TP63: variants seen among roughly 807,000 people sequenced by gnomAD.
TP63 encodes the protein tumor protein 63.
Under a neutral mutation model 82.8 loss-of-function variants are expected in TP63, and 17 were observed. The observed-to-expected ratio is 0.21, with a 90% CI of 0.14 to 0.31. TP63 has a LOEUF of 0.31. Among genes scored for constraint, TP63 ranks in the 10% least tolerant of loss-of-function variants. The pLI, the probability that TP63 is intolerant of heterozygous loss-of-function variation, is 1.00. For synonymous variants in TP63, 330 were observed against 321.7 expected, an observed-to-expected ratio of 1.03 and a Z score of -0.28; for missense variants, 648 against 895.3, an observed-to-expected ratio of 0.72 and a Z score of 3.52.
intron 4 of TP63, among the ~76,000 whole-genome samples, chr3:189,828,202 C>T (rs1162385118): frequency 6.6e-6 from 1 of 151,030 alleles, no homozygotes; most frequent in African/African-American, 2.4e-5. Context: ...GATCGTGCCG[C>T]TGTGCTCCAG....
At chr3:189,714,980 T>C (rs1718855025) in intron 1 of TP63, among the ~76,000 whole-genome samples, 1 of 152,212 alleles carries the variant, frequency 6.6e-6, no homozygotes, top group African/African-American at 2.4e-5. Flanking sequence ...AGCTATATTT[T>C]TCCAACCTCC....
chr3:189,750,973 C>A (rs1046598479), intron 3 of TP63, among the ~76,000 whole-genome samples: 4 of 152,108 alleles, frequency 2.6e-5, no homozygotes, highest in African/African-American at 7.2e-5. Flanking sequence ...CCCCCAAACC[C>A]CCACCCTGCT....
chr3:189,820,768 A>T (rs965224005), intron 4 of TP63, among the ~76,000 whole-genome samples: 2 of 152,248 alleles, frequency 1.3e-5, no homozygotes, highest in African/African-American at 4.8e-5. Context: ...TTCAAATAGC[A>T]TGTTAAAATT....
intron 1 of TP63, among the ~76,000 whole-genome samples, chr3:189,641,603 A>G (rs908868413): frequency 5.3e-5 from 8 of 151,884 alleles, no homozygotes; most frequent in Admixed American, 4.6e-4. Context: ...AGCACTTTCC[A>G]GTTATTATGT....
chr3:189,744,321 C>A (rs1197553637), intron 3 of TP63, among the ~76,000 whole-genome samples: 1 of 152,214 alleles, frequency 6.6e-6, no homozygotes, highest in Non-Finnish European at 1.5e-5. Context: ...AGTAGAAGAG[C>A]TATGGTGTAG....
rs202009057 is a variant in TP63, at chr3:189,890,843, G to C, written c.1707G>C (p.Gly569=). ...SSCLDYFTTQ[G]LTTIYQIEHY... ...GTCTGGACTATTTCACGACCCAGGG[G>C]CTGACCACCATCTATCAGATTGAGC... Residue 569 remains glycine, a synonymous_variant, in exon 13 of 14, where the codon GGG becomes GGC. Transcript: ENST00000264731. 6.2e-7 allele frequency: 1 copy of C among 1,613,924 alleles called. No homozygotes were observed. The highest frequency in any genetic ancestry group is 1.7e-5 in the Admixed American group (1 of 59,992).
chr3:189,894,694 C>T lies in TP63; in HGVS notation c.*192C>T. ...ATCTAATTCTGATTCTGGCTTTAAG[C>T]CTTCAAAACTATAGCTTGCAGAACT... is the stretch of plus-strand genomic sequence containing the variant. On this transcript the variant is annotated 3_prime_UTR_variant, in exon 14 of 14. Transcript: ENST00000264731. 1 of 696,906 alleles carries T rather than the reference C, an allele frequency of 1.4e-6. No individual in the cohort carries two copies. Among genetic ancestry groups the T allele is most frequent in the South Asian group, 1.9e-5 (1 of 52,636 alleles). 43.2% of individuals were successfully genotyped at this position (696,906 alleles called of 1,614,324 possible).
At chr3:189,704,191 T>C (rs1022856900) in intron 1 of TP63, among the ~76,000 whole-genome samples, 8 of 152,190 alleles carry the variant, frequency 5.3e-5, no homozygotes, top group Non-Finnish European at 7.3e-5. Context: ...CTGTAGGCAA[T>C]AGTGTGTGTG....
intron 1 of TP63, among the ~76,000 whole-genome samples, chr3:189,696,489 A>G (rs561186117): frequency 2.8e-4 from 43 of 152,322 alleles, no homozygotes; most frequent in Admixed American, 5.9e-4. Flanking sequence ...GTAATTATGA[A>G]TAAAACTGCT....
intron 3 of TP63, among the ~76,000 whole-genome samples, chr3:189,798,668 C>T (rs886188033): frequency 2.0e-5 from 3 of 152,072 alleles, no homozygotes; most frequent in South Asian, 4.1e-4. Flanking sequence ...GATTTGCAAA[C>T]GCTCTCTCCT....
chr3:189,690,782 C>G (rs976963086), intron 1 of TP63, among the ~76,000 whole-genome samples: 1 of 152,142 alleles, frequency 6.6e-6, no homozygotes, highest in Non-Finnish European at 1.5e-5. Context: ...AATTTCTGAT[C>G]ATTACTGGAT....
intron 4 of TP63, 23 bp from the exon 5 acceptor site, chr3:189,864,209 C>G (rs745323909): frequency 6.2e-7 from 1 of 1,614,088 alleles, no homozygotes; most frequent in East Asian, 2.2e-5. Flanking sequence ...CTTCCTTTCT[C>G]CACTGGCCCC....
intron 4 of TP63, among the ~76,000 whole-genome samples, chr3:189,862,906 C>T (rs960745909): frequency 1.3e-5 from 2 of 152,150 alleles, no homozygotes; most frequent in Admixed American, 6.5e-5. Context: ...ACTGATTTTG[C>T]AATACTTTTC....
chr3:189,816,222 A>G (rs779654296), intron 4 of TP63, among the ~76,000 whole-genome samples: 9 of 152,248 alleles, frequency 5.9e-5, no homozygotes, highest in Non-Finnish European at 7.3e-5. Context: ...TAAAGAGAAA[A>G]TAATGTCATA....
intron 1 of TP63, among the ~76,000 whole-genome samples, chr3:189,704,200 T>C (rs1177320244): frequency 1.6e-4 from 25 of 152,222 alleles, no homozygotes; most frequent in Admixed American, 1.4e-3. Flanking sequence ...ATAGTGTGTG[T>C]GTATATGTGT....
At chr3:189,616,879 G>T in the TP63 span, among the ~76,000 whole-genome samples, 1 of 152,140 alleles carries the variant, frequency 6.6e-6, no homozygotes, top group East Asian at 1.9e-4. Flanking sequence ...CTCCACTGGG[G>T]CTTAGCATAA....
chr3:189,796,889 G>A lies in TP63; in HGVS notation c.325-11383G>A, dbSNP rs116277636. On this transcript the variant is annotated intron_variant, in intron 3 of 13. Transcript: ENST00000264731. ...CTAACTTTATTCTGATTTTGAAGTTGTTCAAGCTTCTTTTTCAAAGACAAA... is the reference window on the plus strand; with the variant it reads ...CTAACTTTATTCTGATTTTGAAGTTATTCAAGCTTCTTTTTCAAAGACAAA... Among the ~76,000 whole-genome samples the A allele has an allele frequency of 9.3e-3, 1,413 of 152,114 alleles. 31 individuals are homozygous for A. Among genetic ancestry groups the A allele is most frequent in the African/African-American group, 0.032 (1,333 of 41,522 alleles).
At chr3:189,880,819 C>T (rs1577184126) in intron 10 of TP63, 1 of 985,360 alleles carries the variant, frequency 1.0e-6, no homozygotes, top group South Asian at 4.7e-5. Flanking sequence ...TGTGTCCTCC[C>T]CTCATGTGTA....
chr3:189,798,808 A>T (rs753268688), intron 3 of TP63, among the ~76,000 whole-genome samples: 1 of 152,136 alleles, frequency 6.6e-6, no homozygotes, highest in Non-Finnish European at 1.5e-5. Flanking sequence ...AATAAAATGA[A>T]TAAGACGAGT....
Sources: allele counts gnomAD v4.1 joint callset (sites outside exome capture counted in the v4.1 genomes callset), GRCh38; gene constraint gnomAD v4.1.1; transcripts MANE v1.5; gene names NCBI Gene and HGNC (gene_info 2026-07-23, HGNC 2026-07-21).